The following PRSS12 variants were observed in gnomAD, a reference collection of about 807,000 sequenced individuals.
PRSS12 encodes the protein serine protease 12, also known as neurotrypsin.
Under a neutral mutation model 104.4 loss-of-function variants are expected in PRSS12, and 85 were observed. The ratio of observed to expected loss-of-function variants is 0.81; its 90% confidence interval spans 0.68 to 0.98. The LOEUF (loss-of-function observed/expected upper bound fraction) is 0.98, where lower values mean the gene tolerates loss of function less well. PRSS12 is among the 50% of genes least tolerant of loss of function. The pLI is 0.00. For missense variants in PRSS12, 1,141 were observed against 1,139.2 expected, an observed-to-expected ratio of 1.00 and a Z score of -0.02; for synonymous variants, 454 against 425.2, an observed-to-expected ratio of 1.07 and a Z score of -0.83.
chr4:118,333,632 T>C (rs559762875), intron 3 of PRSS12, among the ~76,000 whole-genome samples: 20 of 152,326 alleles, frequency 1.3e-4, no homozygotes, highest in Non-Finnish European at 2.5e-4. Flanking sequence ...CATTTCTTAA[T>C]ATATTTTTCC....
At chr4:118,348,931 C>T (rs1378864068) in intron 1 of PRSS12, among the ~76,000 whole-genome samples, 5 of 152,088 alleles carry the variant, frequency 3.3e-5, no homozygotes, top group African/African-American at 2.4e-5. Flanking sequence ...GGATTACAAG[C>T]GACAGCTACC....
At chr4:118,297,074 TGAA>T (rs1279139147) in intron 9 of PRSS12, among the ~76,000 whole-genome samples, 2 of 152,124 alleles carry the variant, frequency 1.3e-5, no homozygotes, top group African/African-American at 2.4e-5. Flanking sequence ...AAAAGAAAAA[TGAA>T]GTTCATTTAT....
intron 8 of PRSS12, chr4:118,305,864 G>A (rs1376082266): frequency 6.6e-6 from 1 of 151,866 alleles, no homozygotes; most frequent in Non-Finnish European, 1.5e-5. Context: ...CCATAAGTTT[G>A]ACTATTTTCG....
intron 11 of PRSS12, among the ~76,000 whole-genome samples, chr4:118,293,975 T>C (rs1014150613): frequency 1.3e-5 from 2 of 152,176 alleles, no homozygotes; most frequent in Non-Finnish European, 2.9e-5. Flanking sequence ...AACAGGCGAA[T>C]AAATAAACTG....
At chr4:118,312,997 T>A in intron 7 of PRSS12, 1 of 612,200 alleles carries the variant, frequency 1.6e-6, no homozygotes, top group Non-Finnish European at 2.8e-6. Context: ...AGAAAAACAA[T>A]TTAGGGGTAG....
At chr4:118,316,505 G>A (rs764063367) in intron 5 of PRSS12, among the ~76,000 whole-genome samples, 182 bp from the exon 6 acceptor site, 9 of 152,048 alleles carry the variant, frequency 5.9e-5, no homozygotes, top group African/African-American at 1.7e-4. Flanking sequence ...GAAGTTTGAC[G>A]TAACACATTT....
chr4:118,299,712 T>TAAATAAAATA (rs1206224261), intron 8 of PRSS12, among the ~76,000 whole-genome samples: 757 of 63,708 alleles, frequency 0.012, 26 homozygotes, highest in South Asian at 0.018. Context: ...ATAAATAAAA[T>TAAATAAAATA]AAATAAAATA....
chr4:118,330,297 AC>A (rs1016288938), intron 4 of PRSS12, among the ~76,000 whole-genome samples: 14 of 152,224 alleles, frequency 9.2e-5, no homozygotes, highest in Non-Finnish European at 1.2e-4. Context: ...AGAATACATT[AC>A]CTGTGATGAT....
intron 8 of PRSS12, among the ~76,000 whole-genome samples, chr4:118,305,103 A>T (rs961340529): frequency 7.6e-5 from 9 of 118,828 alleles, no homozygotes; most frequent in East Asian, 4.0e-4. Context: ...TTTATAATTT[A>T]TATATATATA....
rs1039889430 is a variant in PRSS12 at position 118,280,606 on chromosome 4, C to T, written c.*1330G>A. 6.6e-6 allele frequency: 1 copy of T among 152,246 alleles called. No individual in the cohort carries two copies. The highest frequency in any genetic ancestry group is 6.5e-5 in the Admixed American group (1 of 15,290). 9.4% of individuals were successfully genotyped at this position (152,246 alleles called of 1,614,324 possible). A position where few individuals can be genotyped will look rare whatever the true frequency, so the allele number is the denominator to read the frequency against. On this transcript the variant is annotated 3_prime_UTR_variant, in exon 13 of 13. Coordinates refer to ENST00000296498, the MANE Select transcript of PRSS12 (RefSeq NM_003619.4). The stretch of plus-strand genomic sequence containing the variant: ...ACAATTTGTAAGTTCATGCTAACCT[C>T]TTCCCTATATTTATACTACTGGGAC...
chr4:118,304,127 CGT>C (rs912995137), intron 8 of PRSS12, among the ~76,000 whole-genome samples: 15 of 151,080 alleles, frequency 9.9e-5, no homozygotes, highest in Admixed American at 3.3e-4. Flanking sequence ...TCTCCATGTA[CGT>C]GTGTGTGTGT....
At chr4:118,335,923 T>C (rs569661969) in intron 2 of PRSS12, among the ~76,000 whole-genome samples, 159 of 152,266 alleles carry the variant, frequency 1.0e-3, no homozygotes, top group African/African-American at 3.5e-3. Flanking sequence ...TAGAAGAAAA[T>C]GGCCAAGTAC....
At chr4:118,351,595 C>T (rs1724506632) in intron 1 of PRSS12, among the ~76,000 whole-genome samples, 1 of 152,080 alleles carries the variant, frequency 6.6e-6, no homozygotes, top group African/African-American at 2.4e-5. Flanking sequence ...AGTAGTATTC[C>T]CATCTCTTTT....
At chr4:118,305,651 T>C (rs1050795303) in intron 8 of PRSS12, among the ~76,000 whole-genome samples, 1 of 152,142 alleles carries the variant, frequency 6.6e-6, no homozygotes, top group Admixed American at 6.6e-5. Flanking sequence ...TTCATTTGGC[T>C]TTGGTAAGAA....
chr4:118,302,232 T>A (rs371880330), intron 8 of PRSS12, among the ~76,000 whole-genome samples: 1 of 152,338 alleles, frequency 6.6e-6, no homozygotes, highest in South Asian at 2.1e-4. Context: ...GGTGGTATAT[T>A]GCTCTTTTAA....
In PRSS12 at chr4:118,336,946, C is replaced by G. The variant is rs537537472; in HGVS notation, c.641+1230G>C. ...ATGATAAAATCAGTAATTAACATTT[C>G]CAAGCACCATAACACTTTATAGGCT... On this transcript the variant is annotated intron_variant, in intron 2 of 12. Transcript: ENST00000296498. Among the ~76,000 whole-genome samples the G allele has an allele frequency of 1.3e-3, 193 of 152,318 alleles. 3 individuals carry two copies. Among genetic ancestry groups the G allele is most frequent in the African/African-American group, 4.5e-3 (185 of 41,568 alleles).
At chr4:118,305,798 A>C (rs1743534025) in intron 8 of PRSS12, 1 of 152,132 alleles carries the variant, frequency 6.6e-6, no homozygotes, top group African/African-American at 2.4e-5. Flanking sequence ...ATTGAAAAAT[A>C]ATTTCCCATT....
In PRSS12 at chr4:118,296,686, T is replaced by C. The variant is rs74534940; in HGVS notation, c.1838-830A>G. 5.4e-3 allele frequency among the ~76,000 whole-genome samples: 815 copies of C among 152,122 alleles called. 23 individuals carry two copies. In the East Asian group the frequency reaches 0.084, roughly 16 times the overall value. ...TACAGGAAGACCTAATCAACACTAA[T>C]GGTCTCCCATAATAACCAGGTAGAA... On this transcript the variant is annotated intron_variant, in intron 9 of 12. Transcript: ENST00000296498.
intron 1 of PRSS12, among the ~76,000 whole-genome samples, chr4:118,349,430 T>C (rs1321963493): frequency 6.7e-6 from 1 of 150,264 alleles, no homozygotes; most frequent in African/African-American, 2.4e-5. Context: ...AAGAAAAAGA[T>C]ACCAGATATC....
Sources: gnomAD v4.1 joint callset for allele counts (sites outside exome capture counted in the v4.1 genomes callset) on GRCh38, gnomAD v4.1.1 for gene constraint, MANE v1.5 for transcripts, NCBI Gene and HGNC (gene_info 2026-07-23, HGNC 2026-07-21) for gene names.